The following CLMN variants were observed in gnomAD, a reference collection of about 807,000 sequenced individuals.
CLMN encodes calmin (calponin-like, transmembrane).
In CLMN, 57 loss-of-function variants were observed where a neutral mutation model predicts 92.7. The ratio of observed to expected loss-of-function variants is 0.61; its 90% CI spans 0.50 to 0.77. The LOEUF (loss-of-function observed/expected upper bound fraction) is 0.77. CLMN is among the 30% of genes least tolerant of loss of function. The probability of loss-of-function intolerance (pLI) is 0.00; values close to 1 mark genes in which losing one functional copy is unlikely to be tolerated. For synonymous variants in CLMN, 466 were observed against 470.6 expected (o/e 0.99, Z 0.13); for missense variants, 1,158 against 1,237.5 (o/e 0.94, Z 0.96).
Position 95,280,981 on chromosome 14 carries a change from G to A in CLMN, c.82+38730C>T, listed in dbSNP as rs76556237. ...TATCTTGTTTCAATCCTCTTTAAAA[G>A]GTCGTTTATAATCAGCTACGGAACT... On this transcript the variant is annotated intron_variant, in intron 1 of 12. Transcript: ENST00000298912. 2.3e-3 allele frequency among the ~76,000 whole-genome samples: 349 copies of A among 152,254 alleles called. 12 individuals are homozygous for A. The East Asian group carries it at 0.052, about 23-fold the overall frequency.
At chr14:95,224,703 G>GC (rs1555388205) in intron 2 of CLMN, among the ~76,000 whole-genome samples, 1 of 151,534 alleles carries the variant, frequency 6.6e-6, no homozygotes, top group Non-Finnish European at 1.5e-5. Context: ...AGGGCTGAAC[G>GC]CAAGTGTACC....
chr14:95,225,196 C>T (rs1041371974), intron 2 of CLMN, among the ~76,000 whole-genome samples: 2 of 151,120 alleles, frequency 1.3e-5, no homozygotes, highest in African/African-American at 4.9e-5. Flanking sequence ...TATTCCTCCA[C>T]AAAATCCAGC....
At chr14:95,300,507 G>A (rs553648145) in intron 1 of CLMN, among the ~76,000 whole-genome samples, 45 of 152,270 alleles carry the variant, frequency 3.0e-4, no homozygotes, top group African/African-American at 1.0e-3. Flanking sequence ...CTGTGTATTC[G>A]GTACTCCAGA....
In CLMN at chr14:95,286,977, AC is replaced by A. The variant is rs1223781895; in HGVS notation, c.82+32733del. 9.9e-5 allele frequency among the ~76,000 whole-genome samples: 15 copies of A among 152,272 alleles called. No individual in the cohort carries two copies. In the East Asian group the frequency reaches 2.9e-3, roughly 29 times the overall value. ...TTGGGAGGGAGAACCAACAACTAAC[AC>A]AAAAAGGCCAGATGCCACACGTGAG... On this transcript the variant is annotated intron_variant, in intron 1 of 12. Coordinates refer to ENST00000298912, the MANE Select transcript of CLMN (RefSeq NM_024734.4).
intron 9 of CLMN, among the ~76,000 whole-genome samples, chr14:95,197,295 G>A (rs973077368): frequency 6.6e-6 from 1 of 151,166 alleles, no homozygotes; most frequent in African/African-American, 2.4e-5. Flanking sequence ...GGAGAAGGAG[G>A]AGGAAGAAGA....
chr14:95,231,679 T>C (rs1305066823), intron 1 of CLMN, among the ~76,000 whole-genome samples: 2 of 152,166 alleles, frequency 1.3e-5, no homozygotes, highest in African/African-American at 2.4e-5. Context: ...GAGGTTCCAG[T>C]GACTTGCTCA....
chr14:95,265,034 C>T (rs186745898), intron 1 of CLMN, among the ~76,000 whole-genome samples: 3 of 151,888 alleles, frequency 2.0e-5, no homozygotes, highest in Admixed American at 2.0e-4. Flanking sequence ...ACTGTTTGAG[C>T]CCATGAGTTT....
At chr14:95,264,722 A>G (rs1299003234) in intron 1 of CLMN, among the ~76,000 whole-genome samples, 3 of 152,216 alleles carry the variant, frequency 2.0e-5, no homozygotes, top group South Asian at 4.1e-4. Context: ...AGATGTGGTC[A>G]AACATTATTC....
intron 1 of CLMN, among the ~76,000 whole-genome samples, chr14:95,274,677 A>G (rs958881631): frequency 2.0e-5 from 3 of 152,192 alleles, no homozygotes; most frequent in African/African-American, 7.2e-5. Flanking sequence ...TGTGTCTTGC[A>G]GTATTATTAT....
rs181171750 is a variant in CLMN, at chr14:95,294,405, C to T, written c.82+25306G>A. Among the ~76,000 whole-genome samples the T allele has an allele frequency of 2.0e-5, 3 of 152,332 alleles. No individual in the cohort carries two copies. The highest frequency in any genetic ancestry group is 3.9e-4 in the East Asian group (2 of 5,182). Reference sequence around the variant, plus strand: ...GGAAGGAGAAGGGCTGGGGGCAGAACGTGTGCTTGTCTGGCATGCACGGGG... The same window carrying T: ...GGAAGGAGAAGGGCTGGGGGCAGAATGTGTGCTTGTCTGGCATGCACGGGG... On this transcript the variant is annotated intron_variant, in intron 1 of 12. Coordinates refer to ENST00000298912, the MANE Select transcript of CLMN (RefSeq NM_024734.4). This position sits in a 1 kb window ranked among gnomAD's most constrained non-coding sequence, Gnocchi z 4.2.
At position 95,256,527 on chromosome 14, in the gene CLMN, T is replaced by C. The variant is rs969539727; in HGVS notation, c.83-26394A>G. Among the ~76,000 whole-genome samples the C allele has an allele frequency of 8.5e-5, 13 of 152,334 alleles. No homozygotes were observed. The highest frequency in any genetic ancestry group is 2.6e-4 in the African/African-American group (11 of 41,568). On this transcript the variant is annotated intron_variant, in intron 1 of 12. Transcript: ENST00000298912. The surrounding 1 kb of genome is among the most constrained non-coding windows in gnomAD (Gnocchi z 4.9). ...GCCTCCTGGAGTACCTCCCACCTGC[T>C]GCTGGGCCCACGGCAGGGTAACTGC...
chr14:95,273,902 C>A (rs116127020), intron 1 of CLMN, among the ~76,000 whole-genome samples: 4,031 of 152,220 alleles, frequency 0.026, 196 homozygotes, highest in African/African-American at 0.093. Flanking sequence ...CTCATTCAGA[C>A]CTACGACACG....
At chr14:95,193,955 C>G (rs761408458) in intron 11 of CLMN, 36 bp from the exon 12 acceptor site, 1 of 1,607,408 alleles carries the variant, frequency 6.2e-7, no homozygotes, top group South Asian at 1.1e-5. Flanking sequence ...CCCCCGCAAC[C>G]CAATTAGTAA....
chr14:95,191,528 C>A lies in CLMN; in HGVS notation c.*36G>T. Reference sequence around the variant, plus strand: ...AAAATGAAGTAACCCCGCCCCTGGTCAGGGTCCTGTCTTTTTTATTATCCA... The same window carrying A: ...AAAATGAAGTAACCCCGCCCCTGGTAAGGGTCCTGTCTTTTTTATTATCCA... On this transcript the variant is annotated 3_prime_UTR_variant, in exon 13 of 13. Transcript: ENST00000298912. The surrounding 1 kb of genome is among the most constrained non-coding windows in gnomAD (Gnocchi z 5.3). 1.3e-6 allele frequency: 2 copies of A among 1,571,862 alleles called. No homozygotes were observed. The highest frequency in any genetic ancestry group is 2.3e-5 in the South Asian group (2 of 85,568).
chr14:95,207,159 T>G (rs528677857), intron 8 of CLMN, among the ~76,000 whole-genome samples: 1 of 152,226 alleles, frequency 6.6e-6, no homozygotes, highest in African/African-American at 2.4e-5. Context: ...GTGTATACAT[T>G]GTAAAATGAT....
intron 1 of CLMN, among the ~76,000 whole-genome samples, chr14:95,290,279 C>T (rs184294700): frequency 6.6e-6 from 1 of 152,318 alleles, no homozygotes; most frequent in East Asian, 1.9e-4. Context: ...CACACTTTGA[C>T]GCTCCCCCAA....
In CLMN at chr14:95,281,812, A is replaced by G. The variant is rs189906465; in HGVS notation, c.82+37899T>C. ...GATAAGCTTACTCAACGTTTTCTTAAACACTTATTAAATCTTCCAGATAGT... is the reference window on the plus strand; with the variant it reads ...GATAAGCTTACTCAACGTTTTCTTAGACACTTATTAAATCTTCCAGATAGT... On this transcript the variant is annotated intron_variant, in intron 1 of 12. Coordinates refer to ENST00000298912, the MANE Select transcript of CLMN (RefSeq NM_024734.4). 8.5e-4 allele frequency among the ~76,000 whole-genome samples: 129 copies of G among 152,286 alleles called. 1 individual carries two copies. In the South Asian group the frequency reaches 0.015, roughly 17 times the overall value.
In CLMN at chr14:95,256,761, T is replaced by C. The variant is rs542263094; in HGVS notation, c.83-26628A>G. Among the ~76,000 whole-genome samples, 69 of 152,084 alleles carry C rather than the reference T, an allele frequency of 4.5e-4. No individual in the cohort carries two copies. Among genetic ancestry groups the C allele is most frequent in the Non-Finnish European group, 7.9e-4 (54 of 68,014 alleles). On this transcript the variant is annotated intron_variant, in intron 1 of 12. Transcript: ENST00000298912. The surrounding 1 kb of genome is among the most constrained non-coding windows in gnomAD (Gnocchi z 4.9). ...GCCAAATGTAGGGCCCTGGTCCACATTGCACCGGGAAAACAGACATGGGGA... is the reference window on the plus strand; with the variant it reads ...GCCAAATGTAGGGCCCTGGTCCACACTGCACCGGGAAAACAGACATGGGGA...
intron 1 of CLMN, among the ~76,000 whole-genome samples, chr14:95,310,071 G>A (rs1595122127): frequency 6.6e-6 from 1 of 152,130 alleles, no homozygotes; most frequent in Non-Finnish European, 1.5e-5. Context: ...CAAATCTCAG[G>A]TTGAAATGTG....
Sources: allele counts gnomAD v4.1 joint callset (sites outside exome capture counted in the v4.1 genomes callset), GRCh38; gene constraint gnomAD v4.1.1; non-coding constraint Gnocchi (gnomAD v3.1); transcripts MANE v1.5; gene names NCBI Gene and HGNC (gene_info 2026-07-23, HGNC 2026-07-21).